The following ZFHX3 variants were observed in gnomAD, a reference collection of about 807,000 sequenced individuals.
ZFHX3 encodes zinc finger homeobox protein 3.
ZFHX3 carries 42 observed loss-of-function variants against 279.1 expected under a neutral mutation model. The ratio of observed to expected loss-of-function variants is 0.15; its 90% CI spans 0.12 to 0.19. ZFHX3 has a LOEUF of 0.19. Ranked by LOEUF, ZFHX3 falls within the 10% of genes least tolerant of loss-of-function variation. The pLI is 1.00. For synonymous variants in ZFHX3, 2,293 were observed against 1,957.8 expected (o/e 1.17, Z -4.52); for missense variants, 4,981 against 4,754.0 (o/e 1.05, Z -1.40).
chr16:73,742,310 T>C (rs1466607196), intron 1 of ZFHX3, among the ~76,000 whole-genome samples: 3 of 152,192 alleles, frequency 2.0e-5, no homozygotes, highest in Non-Finnish European at 2.9e-5. Context: ...TCTAAAAGGA[T>C]AGAGAGCCTG....
At chr16:73,483,930 GTT>G (rs1220305940) in intron 2 of ZFHX3, among the ~76,000 whole-genome samples, 57,156 of 129,958 alleles carry the variant, frequency 0.44, 12,216 homozygotes, top group East Asian at 0.68. Flanking sequence ...CTCTGCCTTT[GTT>G]TTTTTTTTTT....
intron 2 of ZFHX3, among the ~76,000 whole-genome samples, chr16:73,503,149 G>A (rs1319350477): frequency 2.0e-5 from 3 of 152,232 alleles, no homozygotes; most frequent in East Asian, 3.9e-4. Flanking sequence ...TCGGTGGCCT[G>A]TGGATATCCA....
intron 1 of ZFHX3, among the ~76,000 whole-genome samples, chr16:73,784,816 T>TACACACACACAC (rs58711157): frequency 3.4e-4 from 46 of 135,522 alleles, no homozygotes; most frequent in African/African-American, 1.3e-3. Flanking sequence ...TATATATATA[T>TACACACACACAC]ACACACACAC....
chr16:73,776,555 C>G (rs16972552), intron 1 of ZFHX3, among the ~76,000 whole-genome samples: 16,460 of 152,048 alleles, frequency 0.11, 1,330 homozygotes, highest in East Asian at 0.4. Context: ...CGCGTTAATG[C>G]CAGGGACCTG....
chr16:73,883,996 A>G (rs2030264603), intron 1 of ZFHX3, among the ~76,000 whole-genome samples: 1 of 152,200 alleles, frequency 6.6e-6, no homozygotes, highest in South Asian at 2.1e-4. Flanking sequence ...TTATAATTGA[A>G]CAAGTGTTAA....
At chr16:73,220,902 T>A (rs1185168367) in intron 5 of ZFHX3, among the ~76,000 whole-genome samples, 1 of 152,142 alleles carries the variant, frequency 6.6e-6, no homozygotes, top group Admixed American at 6.6e-5. Context: ...GGGCGATGGA[T>A]GTTTTTGTGC....
intron 2 of ZFHX3, among the ~76,000 whole-genome samples, chr16:73,466,315 C>G (rs1438195342): frequency 6.6e-6 from 1 of 152,130 alleles, no homozygotes; most frequent in Non-Finnish European, 1.5e-5. Flanking sequence ...AACCCTGTCT[C>G]TACAAAAAAG....
Position 73,322,279 on chromosome 16 carries a change from C to CT in ZFHX3, c.-1290-3944dup, listed in dbSNP as rs35155886. ...AGAGAACGCATTTGAATCTTCATGG[C>CT]TTTTTTTTTTTTGCAGCTTATGATA... On this transcript the variant is annotated intron_variant, in intron 3 of 17. Transcript: ENST00000641206. Among the ~76,000 whole-genome samples, 741 of 145,740 alleles carry CT rather than the reference C, an allele frequency of 5.1e-3. 5 individuals are homozygous for CT. Among genetic ancestry groups the CT allele is most frequent in the South Asian group, 0.012 (57 of 4,588 alleles).
intron 1 of ZFHX3, among the ~76,000 whole-genome samples, chr16:73,808,197 C>T (rs893316197): frequency 6.6e-6 from 1 of 152,114 alleles, no homozygotes; most frequent in Non-Finnish European, 1.5e-5. Flanking sequence ...AAGGTTAAAA[C>T]CATCGATGTA....
intron 5 of ZFHX3, among the ~76,000 whole-genome samples, chr16:73,200,453 A>T (rs933532886): frequency 1.6e-4 from 25 of 152,350 alleles, no homozygotes; most frequent in African/African-American, 5.8e-4. Flanking sequence ...ATGAAAAATG[A>T]TATCTTTTCA....
intron 7 of ZFHX3, among the ~76,000 whole-genome samples, chr16:73,106,221 T>C (rs1298827975): frequency 6.6e-6 from 1 of 152,066 alleles, no homozygotes; most frequent in Admixed American, 6.6e-5. Flanking sequence ...GTTCTTTTTT[T>C]TCCATGCCCA....
intron 3 of ZFHX3, among the ~76,000 whole-genome samples, chr16:73,327,167 C>T (rs1290274043): frequency 6.6e-6 from 1 of 152,152 alleles, no homozygotes; most frequent in African/African-American, 2.4e-5. Context: ...TTCTGAGAAG[C>T]CTTTTGGCTT....
chr16:72,924,187 T>G (rs535902249), intron 3 of ZFHX3, among the ~76,000 whole-genome samples: 91 of 152,348 alleles, frequency 6.0e-4, no homozygotes, highest in African/African-American at 2.1e-3. Flanking sequence ...ACAATTCACT[T>G]TGTATTATGT....
At chr16:73,628,762 T>C (rs1024262282) in intron 2 of ZFHX3, among the ~76,000 whole-genome samples, 6 of 152,228 alleles carry the variant, frequency 3.9e-5, no homozygotes, top group Non-Finnish European at 5.9e-5. Flanking sequence ...TAAAATATAA[T>C]ACTAAAAGCA....
At chr16:73,028,040 C>T (rs951351292) in intron 1 of ZFHX3, among the ~76,000 whole-genome samples, 6 of 152,208 alleles carry the variant, frequency 3.9e-5, no homozygotes, top group Admixed American at 6.5e-5. Flanking sequence ...CCTCCCAGGC[C>T]GCCAGGTCCC....
chr16:73,168,219 CTTTCTT>C (rs1326510512), intron 5 of ZFHX3, among the ~76,000 whole-genome samples: 3 of 114,466 alleles, frequency 2.6e-5, no homozygotes, highest in African/African-American at 1.1e-4. Context: ...TGTTTTCTTT[CTTTCTT>C]TCTTTCTTTC....
At chr16:73,757,094 A>G (rs328373) in intron 1 of ZFHX3, among the ~76,000 whole-genome samples, 56,320 of 151,954 alleles carry the variant, frequency 0.37, 10,732 homozygotes, top group Non-Finnish European at 0.41. Flanking sequence ...TCTGAAGAAC[A>G]GCTGTGGGAA....
intron 2 of ZFHX3, among the ~76,000 whole-genome samples, chr16:73,545,428 G>A (rs75477291): frequency 0.023 from 3,543 of 152,174 alleles, 70 homozygotes; most frequent in Non-Finnish European, 0.035. Flanking sequence ...TGGCTTCGGC[G>A]TCTCTCTCCT....
At chr16:72,897,970 C>T (rs2038938971) in intron 3 of ZFHX3, among the ~76,000 whole-genome samples, 1 of 152,178 alleles carries the variant, frequency 6.6e-6, no homozygotes, top group Non-Finnish European at 1.5e-5. Context: ...ACTCTGCAGA[C>T]CCAGGTGTTC....
Sources: allele counts gnomAD v4.1 joint callset (sites outside exome capture counted in the v4.1 genomes callset), GRCh38; gene constraint gnomAD v4.1.1; transcripts MANE v1.5; gene names NCBI Gene and HGNC (gene_info 2026-07-23, HGNC 2026-07-21).